NRG1: variants seen among roughly 807,000 people sequenced by gnomAD.
NRG1 encodes the protein neuregulin 1.
In NRG1, 18 loss-of-function variants were observed where a neutral mutation model predicts 63.8. The observed-to-expected ratio is 0.28, with a 90% CI of 0.19 to 0.42. The LOEUF (loss-of-function observed/expected upper bound fraction) is 0.42, where lower values mean the gene tolerates loss of function less well. Among genes scored for constraint, NRG1 ranks in the 10% least tolerant of loss-of-function variants. The probability of loss-of-function intolerance (pLI) is 1.00; values close to 1 mark genes in which losing one functional copy is unlikely to be tolerated. For missense variants in NRG1, 762 were observed against 814.7 expected, an observed-to-expected ratio of 0.94 and a Z score of 0.79; for synonymous variants, 302 against 301.3, an observed-to-expected ratio of 1.00 and a Z score of -0.02.
At chr8:32,292,270 A>G (rs1017567761) in intron 1 of NRG1, among the ~76,000 whole-genome samples, 3 of 152,202 alleles carry the variant, frequency 2.0e-5, no homozygotes, top group Non-Finnish European at 4.4e-5. Flanking sequence ...TTTTATTCCA[A>G]AAGATTGAAT....
At chr8:31,847,147 G>A (rs1177918232) in intron 1 of NRG1, among the ~76,000 whole-genome samples, 1 of 152,082 alleles carries the variant, frequency 6.6e-6, no homozygotes, top group Non-Finnish European at 1.5e-5. Context: ...GAATAACTTT[G>A]ACTTATCCAT....
At chr8:32,643,372 T>C (rs1235442674) in intron 5 of NRG1, among the ~76,000 whole-genome samples, 1 of 152,230 alleles carries the variant, frequency 6.6e-6, no homozygotes, top group Non-Finnish European at 1.5e-5. Context: ...TTGTGTTTTC[T>C]TCTTCTTGGG....
At chr8:32,773,944 TA>T (rs1402081163) in intron 7 of NRG1, among the ~76,000 whole-genome samples, 2 of 152,234 alleles carry the variant, frequency 1.3e-5, no homozygotes, top group Non-Finnish European at 2.9e-5. Flanking sequence ...CTACGAACTT[TA>T]TGATTATTGA....
intron 1 of NRG1, among the ~76,000 whole-genome samples, chr8:32,056,323 G>A (rs1008152055): frequency 9.9e-5 from 15 of 152,146 alleles, no homozygotes; most frequent in African/African-American, 3.4e-4. Context: ...TGGCCTTGCC[G>A]AGAAAACAAT....
At chr8:32,473,033 G>T (rs913608748) in intron 1 of NRG1, among the ~76,000 whole-genome samples, 1 of 152,218 alleles carries the variant, frequency 6.6e-6, no homozygotes, top group African/African-American at 2.4e-5. Flanking sequence ...GCACAGTTAA[G>T]TAGGAAGAAT....
At chr8:32,251,143 GGTTTGTT>G (rs1487734683) in intron 1 of NRG1, among the ~76,000 whole-genome samples, 5 of 151,868 alleles carry the variant, frequency 3.3e-5, no homozygotes, top group African/African-American at 1.2e-4. Flanking sequence ...TTGCCATGGT[GGTTTGTT>G]GCACCCATCA....
intron 1 of NRG1, among the ~76,000 whole-genome samples, chr8:32,345,660 C>T (rs565222437): frequency 2.0e-5 from 3 of 152,198 alleles, no homozygotes; most frequent in Admixed American, 6.5e-5. Context: ...AAAAGTAATA[C>T]ATTCACATGG....
intron 1 of NRG1, among the ~76,000 whole-genome samples, chr8:31,829,855 C>T (rs1036534566): frequency 9.2e-5 from 14 of 152,162 alleles, no homozygotes; most frequent in Admixed American, 5.2e-4. Context: ...CTGAGCAGTG[C>T]GAGTTGGTGT....
Position 32,549,123 on chromosome 8 carries a change from C to T in NRG1, c.100+297C>T, listed in dbSNP as rs563770436. ...TCCCTGGCACGGCCCCTCCCCAGCG[C>T]CTTAGCGGCTGAGCCCAGCCCGGGA... On this transcript the variant is annotated intron_variant, in intron 1 of 11. Coordinates refer to ENST00000356819, the Ensembl canonical transcript of NRG1. Among the ~76,000 whole-genome samples the T allele has an allele frequency of 1.2e-4, 18 of 152,350 alleles. 1 individual carries two copies. Among genetic ancestry groups the T allele is most frequent in the African/African-American group, 4.3e-4 (18 of 41,596 alleles).
At chr8:32,319,372 G>A (rs1400122920) in intron 1 of NRG1, among the ~76,000 whole-genome samples, 1 of 152,116 alleles carries the variant, frequency 6.6e-6, no homozygotes, top group African/African-American at 2.4e-5. Context: ...ACTCAGCTTG[G>A]AAATCATTCT....
chr8:32,501,350 C>A (rs1588000303), intron 1 of NRG1, among the ~76,000 whole-genome samples: 1 of 152,286 alleles, frequency 6.6e-6, no homozygotes, highest in East Asian at 1.9e-4. Context: ...ATCATTATAT[C>A]CATACAAATA....
At chr8:32,545,237 T>A (rs985507884), upstream of NRG1, among the ~76,000 whole-genome samples, 15 of 150,654 alleles carry the variant, frequency 1.0e-4, no homozygotes, top group Non-Finnish European at 1.5e-4. Context: ...AAAAATGTAG[T>A]GGCACACGAT....
intron 1 of NRG1, among the ~76,000 whole-genome samples, chr8:32,591,359 C>A (rs116584616): frequency 6.6e-6 from 1 of 151,998 alleles, no homozygotes; most frequent in African/African-American, 2.4e-5. Flanking sequence ...CCGCAAACAT[C>A]GAGAAATGTT....
chr8:32,743,402 G>T (rs1202254499), intron 7 of NRG1: 2 of 174,740 alleles, frequency 1.1e-5, no homozygotes, highest in East Asian at 1.9e-4. Context: ...ATTTATTTAT[G>T]TTACCATTTC....
At chr8:32,008,000 A>C (rs974159555) in intron 1 of NRG1, among the ~76,000 whole-genome samples, 2 of 152,006 alleles carry the variant, frequency 1.3e-5, no homozygotes, top group African/African-American at 4.8e-5. Context: ...TACATCATGA[A>C]AGCTTAAAAA....
intron 1 of NRG1, among the ~76,000 whole-genome samples, chr8:32,259,281 C>T (rs1043242968): frequency 2.0e-5 from 3 of 152,256 alleles, no homozygotes; most frequent in Non-Finnish European, 2.9e-5. Flanking sequence ...CTTTAACAGG[C>T]GATTAGGCCA....
chr8:31,680,176 A>G (rs1048191442), intron 1 of NRG1, among the ~76,000 whole-genome samples: 11 of 151,988 alleles, frequency 7.2e-5, no homozygotes, highest in African/African-American at 2.7e-4. Flanking sequence ...GTTTTAGGGT[A>G]CATGTGCACA....
intron 1 of NRG1, among the ~76,000 whole-genome samples, chr8:31,874,567 C>T (rs1209932579): frequency 6.6e-6 from 1 of 152,136 alleles, no homozygotes; most frequent in African/African-American, 2.4e-5. Context: ...ATGAGGTCTC[C>T]ATCCCTTCAA....
chr8:32,240,337 A>G (rs2129469613), intron 1 of NRG1, among the ~76,000 whole-genome samples: 1 of 152,316 alleles, frequency 6.6e-6, no homozygotes, highest in Middle Eastern at 3.4e-3. Flanking sequence ...TTATTTATAT[A>G]ATATTCTTGA....
Sources: allele counts gnomAD v4.1 joint callset (sites outside exome capture counted in the v4.1 genomes callset), GRCh38; gene constraint gnomAD v4.1.1; transcripts MANE v1.5; gene names NCBI Gene and HGNC (gene_info 2026-07-23, HGNC 2026-07-21).